The following GRM8 variants were observed in gnomAD, a reference collection of about 807,000 sequenced individuals.
The protein encoded by GRM8 is glutamate metabotropic receptor 8.
A neutral mutation model predicts 87.2 loss-of-function variants in GRM8; 47 were observed. That is an observed-to-expected ratio of 0.54 (90% CI 0.43 to 0.69). GRM8 has a LOEUF of 0.69. Among genes scored for constraint, GRM8 ranks in the 30% least tolerant of loss-of-function variants. The pLI is 0.00. For missense variants in GRM8, 1,019 were observed against 1,139.2 expected, an observed-to-expected ratio of 0.89 and a Z score of 1.52; for synonymous variants, 396 against 404.5, an observed-to-expected ratio of 0.98 and a Z score of 0.25.
intron 2 of GRM8, among the ~76,000 whole-genome samples, chr7:127,108,454 G>C (rs1457461947): frequency 6.6e-6 from 1 of 152,076 alleles, no homozygotes; most frequent in Non-Finnish European, 1.5e-5. Flanking sequence ...GTTGTGTGGG[G>C]GGAAGGGAAT....
intron 8 of GRM8, among the ~76,000 whole-genome samples, chr7:126,601,101 T>G (rs968392620): frequency 3.2e-5 from 4 of 123,290 alleles, no homozygotes; most frequent in African/African-American, 1.0e-4. Flanking sequence ...CCCACCACAG[T>G]CCCCAGAGTG....
At chr7:127,193,074 CA>C in intron 2 of GRM8, among the ~76,000 whole-genome samples, 1 of 152,330 alleles carries the variant, frequency 6.6e-6, no homozygotes, top group Non-Finnish European at 1.5e-5. Flanking sequence ...TGTAAGTATT[CA>C]CTGTTTCCCT....
At chr7:126,752,353 T>C (rs532114976) in intron 7 of GRM8, among the ~76,000 whole-genome samples, 29 of 152,262 alleles carry the variant, frequency 1.9e-4, no homozygotes, top group East Asian at 1.4e-3. Context: ...CTAGTTGTTA[T>C]CCGATGTAGT....
intron 2 of GRM8, among the ~76,000 whole-genome samples, chr7:127,200,514 T>A (rs1795528716): frequency 6.6e-6 from 1 of 152,184 alleles, no homozygotes; most frequent in Non-Finnish European, 1.5e-5. Flanking sequence ...AAGGACCTTC[T>A]TGGGTGGCCT....
intron 7 of GRM8, among the ~76,000 whole-genome samples, chr7:126,738,615 A>G (rs965195843): frequency 2.0e-5 from 3 of 151,138 alleles, no homozygotes; most frequent in African/African-American, 7.3e-5. Context: ...TGAAAGGTCT[A>G]GATCTTTCTA....
chr7:126,714,828 A>G (rs1004263797), intron 7 of GRM8, among the ~76,000 whole-genome samples: 12 of 151,646 alleles, frequency 7.9e-5, no homozygotes, highest in Non-Finnish European at 1.5e-4. Context: ...ATATATGTGT[A>G]TATATATATA....
chr7:127,052,938 G>A (rs1437252215), intron 3 of GRM8, among the ~76,000 whole-genome samples: 2 of 152,076 alleles, frequency 1.3e-5, no homozygotes, highest in East Asian at 1.9e-4. Context: ...TACAAAGGGC[G>A]ACTGATTTTG....
At chr7:126,458,238 C>T (rs1419814) in intron 9 of GRM8, among the ~76,000 whole-genome samples, 85,009 of 150,694 alleles carry the variant, frequency 0.56, 24,210 homozygotes, top group Middle Eastern at 0.73. Context: ...TCATTATAAA[C>T]ACTAAATTCC....
intron 7 of GRM8, among the ~76,000 whole-genome samples, chr7:126,679,998 T>C (rs1340602778): frequency 6.7e-6 from 1 of 149,736 alleles, no homozygotes; most frequent in Non-Finnish European, 1.5e-5. Flanking sequence ...TCCAGTGCAC[T>C]CCAGCCTGGC....
chr7:126,914,733 A>G (rs1803704908), intron 3 of GRM8, among the ~76,000 whole-genome samples: 1 of 152,198 alleles, frequency 6.6e-6, no homozygotes, highest in Non-Finnish European at 1.5e-5. Flanking sequence ...ACACACAGAC[A>G]TAAAGATGGG....
At chr7:126,954,287 TGCCAGTCACG>T (rs1224439613) in intron 3 of GRM8, among the ~76,000 whole-genome samples, 1 of 152,146 alleles carries the variant, frequency 6.6e-6, no homozygotes, top group African/African-American at 2.4e-5. Context: ...CTCACTTTAT[TGCCAGTCACG>T]GGGACATGAA....
chr7:126,671,061 G>T (rs1179980664), intron 7 of GRM8, among the ~76,000 whole-genome samples: 5 of 152,184 alleles, frequency 3.3e-5, no homozygotes, highest in African/African-American at 1.2e-4. Context: ...GACTGGAAGG[G>T]TATGCTTCCC....
chr7:126,817,051 C>A (rs1006323263), intron 6 of GRM8, among the ~76,000 whole-genome samples: 2 of 152,046 alleles, frequency 1.3e-5, no homozygotes, highest in African/African-American at 2.4e-5. Flanking sequence ...ATATCAATTT[C>A]TCATGCTATG....
intron 8 of GRM8, among the ~76,000 whole-genome samples, chr7:126,579,332 C>G (rs180993059): frequency 3.3e-5 from 5 of 152,074 alleles, no homozygotes; most frequent in African/African-American, 4.8e-5. Context: ...AAATAATAAC[C>G]AACAATTCTA....
At chr7:126,605,793 A>G (rs1229302848) in intron 8 of GRM8, among the ~76,000 whole-genome samples, 2 of 152,200 alleles carry the variant, frequency 1.3e-5, no homozygotes, top group African/African-American at 4.8e-5. Flanking sequence ...CTTTGGCCAC[A>G]GTGACAATTC....
chr7:126,563,722 G>A (rs1230069392), intron 8 of GRM8, among the ~76,000 whole-genome samples: 1 of 152,194 alleles, frequency 6.6e-6, no homozygotes, highest in Non-Finnish European at 1.5e-5. Context: ...TGTGGAGACT[G>A]CTGGTAGCTG....
chr7:126,856,579 AC>A (rs1797702597), intron 6 of GRM8, among the ~76,000 whole-genome samples: 1 of 152,236 alleles, frequency 6.6e-6, no homozygotes, highest in Non-Finnish European at 1.5e-5. Flanking sequence ...AGTCAATCAG[AC>A]TACTGAATAA....
At chr7:126,864,368 T>A (rs998238044) in intron 6 of GRM8, among the ~76,000 whole-genome samples, 7 of 152,170 alleles carry the variant, frequency 4.6e-5, no homozygotes, top group African/African-American at 1.7e-4. Flanking sequence ...TAGATTTTTT[T>A]TATTCTATCC....
chr7:126,747,624 C>T (rs1815847531), intron 7 of GRM8, among the ~76,000 whole-genome samples: 1 of 151,982 alleles, frequency 6.6e-6, no homozygotes. Context: ...ATTAACCAAC[C>T]TTATTCTCAT....
Sources: allele counts gnomAD v4.1 joint callset (sites outside exome capture counted in the v4.1 genomes callset), GRCh38; gene constraint gnomAD v4.1.1; transcripts MANE v1.5; gene names NCBI Gene and HGNC (gene_info 2026-07-23, HGNC 2026-07-21).